The following XPNPEP3 variants were observed in gnomAD, a reference collection of about 807,000 sequenced individuals.
XPNPEP3 encodes xaa-Pro aminopeptidase 3.
Under a neutral mutation model 60.0 loss-of-function variants are expected in XPNPEP3, and 41 were observed. The ratio of observed to expected loss-of-function variants is 0.68; its 90% CI spans 0.53 to 0.89. The LOEUF (loss-of-function observed/expected upper bound fraction) is 0.89, where lower values mean the gene tolerates loss of function less well. Ranked by LOEUF, XPNPEP3 falls within the 40% of genes least tolerant of loss-of-function variation. XPNPEP3 has a pLI of 0.00. For synonymous variants in XPNPEP3, 212 were observed against 223.2 expected (o/e 0.95, Z 0.45); for missense variants, 598 against 638.9 (o/e 0.94, Z 0.69).
intron 2 of XPNPEP3, among the ~76,000 whole-genome samples, chr22:40,880,869 G>A (rs920475803): frequency 6.6e-6 from 1 of 151,950 alleles, no homozygotes; most frequent in African/African-American, 2.4e-5. Context: ...TCTGCAGTAG[G>A]CAAATCCATA....
chr22:40,893,720 G>A (rs2058097304), intron 4 of XPNPEP3, among the ~76,000 whole-genome samples: 1 of 151,926 alleles, frequency 6.6e-6, no homozygotes, highest in African/African-American at 2.4e-5. Context: ...AGGTTCAGGT[G>A]ATTCTCCTGC....
chr22:40,896,387 C>T (rs1851893708), intron 4 of XPNPEP3, among the ~76,000 whole-genome samples: 1 of 152,042 alleles, frequency 6.6e-6, no homozygotes, highest in Non-Finnish European at 1.5e-5. Flanking sequence ...CATTTTAGGC[C>T]TAGCACGGTG....
At chr22:40,858,483 A>G (rs1325974895) in intron 1 of XPNPEP3, among the ~76,000 whole-genome samples, 1 of 150,148 alleles carries the variant, frequency 6.7e-6, no homozygotes, top group African/African-American at 2.5e-5. Context: ...CGGAGTGGCC[A>G]GCACTAAGCG....
intron 4 of XPNPEP3, among the ~76,000 whole-genome samples, chr22:40,899,086 G>A (rs764313636): frequency 6.6e-6 from 1 of 152,054 alleles, no homozygotes; most frequent in Non-Finnish European, 1.5e-5. Context: ...AGTTCCTCAG[G>A]GTATTGCATG....
intron 7 of XPNPEP3, among the ~76,000 whole-genome samples, chr22:40,919,538 G>GT (rs1255490149): frequency 1.3e-5 from 2 of 152,234 alleles, no homozygotes; most frequent in South Asian, 2.1e-4. Flanking sequence ...CTAATATTTT[G>GT]TTTTTTTGTA....
At chr22:40,913,732 A>G (rs1448227351) in intron 6 of XPNPEP3, among the ~76,000 whole-genome samples, 6 of 152,172 alleles carry the variant, frequency 3.9e-5, no homozygotes, top group Admixed American at 2.0e-4. Context: ...GGGTGAATTC[A>G]TCTGAAAAGA....
chr22:40,861,401 A>G, intron 1 of XPNPEP3: 1 of 1,613,708 alleles, frequency 6.2e-7, no homozygotes, highest in Non-Finnish European at 8.5e-7. Context: ...TTGTATTAAT[A>G]TTTCTGCCAT....
chr22:40,927,874 C>CAAAAAAAA lies in XPNPEP3; in HGVS notation c.*1450_*1457dup, dbSNP rs573345765. ...TGGGTGACAGAGCGAGACTCCGTCT[C>CAAAAAAAA]AAAAAAAAAAAAAAAAAAGAAAAAA... On this transcript the variant is annotated 3_prime_UTR_variant, in exon 10 of 10. Coordinates refer to ENST00000357137, the MANE Select transcript of XPNPEP3 (RefSeq NM_022098.4). 1 of 55,542 alleles carries CAAAAAAAA rather than the reference C, an allele frequency of 1.8e-5. No individual in the cohort carries two copies. 3.4% of individuals were successfully genotyped at this position (55,542 alleles called of 1,614,324 possible). A position where few individuals can be genotyped will look rare whatever the true frequency, so the allele number is the denominator to read the frequency against.
Position 40,882,050 on chromosome 22 carries a change from T to C in XPNPEP3, c.462T>C (p.Pro154=). 6.2e-7 allele frequency: 1 copy of C among 1,614,150 alleles called. No homozygotes were observed. Among genetic ancestry groups the C allele is most frequent in the Non-Finnish European group, 8.5e-7 (1 of 1,180,000 alleles). ...LPSHKAILFV[P]RRDPSRELWD... ...CACACAAAGCCATACTTTTTGTGCC[T>C]CGGCGAGATCCCAGTCGAGAACTTT... Residue 154 remains proline (P), a synonymous_variant, in exon 3 of 10, where the codon CCT becomes CCC. Transcript: ENST00000357137.
At chr22:40,857,276 T>C (rs1382563181) in intron 1 of XPNPEP3, 31 bp downstream of exon 1, 2 of 1,612,950 alleles carry the variant, frequency 1.2e-6, no homozygotes, top group Non-Finnish European at 1.7e-6. Flanking sequence ...TCTCCTCCCA[T>C]GGTGTCCCCT....
intron 4 of XPNPEP3, among the ~76,000 whole-genome samples, chr22:40,890,850 A>G (rs547696069): frequency 1.6e-4 from 24 of 152,182 alleles, no homozygotes; most frequent in Non-Finnish European, 3.4e-4. Context: ...TCTGGGTGAC[A>G]GAGTGAGACC....
intron 3 of XPNPEP3, among the ~76,000 whole-genome samples, chr22:40,884,614 G>A (rs1054686902): frequency 3.3e-5 from 5 of 151,598 alleles, no homozygotes; most frequent in Non-Finnish European, 7.4e-5. Flanking sequence ...GATTACAGGC[G>A]TGAGCCACCG....
At chr22:40,870,270 G>T (rs1053501662) in intron 2 of XPNPEP3, 1 of 287,182 alleles carries the variant, frequency 3.5e-6, no homozygotes, top group Non-Finnish European at 7.0e-6. Context: ...CTGATTTCTT[G>T]TGGTGAGATA....
intron 2 of XPNPEP3, among the ~76,000 whole-genome samples, chr22:40,881,008 A>C (rs999896826): frequency 6.6e-6 from 1 of 152,032 alleles, no homozygotes; most frequent in East Asian, 1.9e-4. Context: ...TGATGGTTGC[A>C]CAATTATGTG....
At position 40,864,708 on chromosome 22, in the gene XPNPEP3, G is replaced by A. The variant is rs150854082; in HGVS notation, c.65-4291G>A. Among the ~76,000 whole-genome samples, 649 of 152,230 alleles carry A rather than the reference G, an allele frequency of 4.3e-3. 3 individuals are homozygous for A. Among genetic ancestry groups the A allele is most frequent in the African/African-American group, 0.015 (607 of 41,546 alleles). The stretch of plus-strand genomic sequence containing the variant: ...GATCTGCCCGCCTCAGCCTCCCAAA[G>A]CGCTGGGATTACAGGCATGAGCCAC... On this transcript the variant is annotated intron_variant, in intron 1 of 9. Transcript: ENST00000357137.
rs10699703 is a variant in XPNPEP3, at chr22:40,921,536, T to TGTG, written c.1056-792_1056-790dup. On this transcript the variant is annotated intron_variant, in intron 7 of 9. Coordinates refer to ENST00000357137, the MANE Select transcript of XPNPEP3 (RefSeq NM_022098.4). ...TACAAAAATGATTATTTAGTAATAC[T>TGTG]GTGGTGGGCTGGGGTATGGGTACAT... Among the ~76,000 whole-genome samples the TGTG allele has an allele frequency of 5.8e-3, 871 of 151,436 alleles. 9 individuals are homozygous for TGTG. Among genetic ancestry groups the TGTG allele is most frequent in the African/African-American group, 0.02 (817 of 41,288 alleles).
intron 1 of XPNPEP3, among the ~76,000 whole-genome samples, chr22:40,859,152 T>G (rs994544659): frequency 2.0e-5 from 3 of 152,200 alleles, no homozygotes; most frequent in Non-Finnish European, 4.4e-5. Flanking sequence ...TGATGAATCT[T>G]GAACTGGTAT....
intron 4 of XPNPEP3, among the ~76,000 whole-genome samples, chr22:40,887,059 C>A (rs1311143861): frequency 6.6e-6 from 1 of 152,010 alleles, no homozygotes; most frequent in Non-Finnish European, 1.5e-5. Flanking sequence ...AATTATTTCT[C>A]CTTAGAACGA....
rs79385822 is a variant in XPNPEP3 at position 40,924,369 on chromosome 22, G to A, written c.1244G>A (p.Arg415Gln). 8.6e-4 allele frequency: 1,384 copies of A among 1,614,044 alleles called. 2 individuals are homozygous for A. The highest frequency in any genetic ancestry group is 1.1e-3 in the Non-Finnish European group (1,241 of 1,179,998). Reference sequence around the variant, plus strand: ...GACAATTATCTTTTCCAGGCTGCTCGAAAATACTGTCCTCATCATGTTGGC... The same window carrying A: ...GACAATTATCTTTTCCAGGCTGCTCAAAAATACTGTCCTCATCATGTTGGC... The part of the protein sequence containing the change: ...IKENNAFKAA[R>Q]KYCPHHVGHY... The change falls in exon 9 of 10, where the codon CGA becomes CAA. Residue 415 changes from arginine (R) to glutamine (Q), a missense_variant. Arg to Gln is a conservative substitution (Grantham distance 43). Transcript: ENST00000357137.
Sources: allele counts gnomAD v4.1 joint callset (sites outside exome capture counted in the v4.1 genomes callset), GRCh38; gene constraint gnomAD v4.1.1; transcripts MANE v1.5; gene names NCBI Gene and HGNC (gene_info 2026-07-23, HGNC 2026-07-21).